DPP6: variants seen among roughly 807,000 people sequenced by gnomAD.
DPP6 encodes the protein dipeptidyl peptidase like 6.
DPP6 carries 69 observed loss-of-function variants against 122.6 expected under a neutral mutation model. That is an observed-to-expected ratio of 0.56 (90% CI 0.46 to 0.69). The LOEUF is 0.69. DPP6 is among the 30% of genes least tolerant of loss of function. The pLI, the probability that DPP6 is intolerant of heterozygous loss-of-function variation, is 0.00. For missense variants in DPP6, 928 were observed against 1,116.9 expected (o/e 0.83, Z 2.41); for synonymous variants, 418 against 433.1 (o/e 0.97, Z 0.43).
chr7:154,510,885 C>G (rs534459935), intron 3 of DPP6, among the ~76,000 whole-genome samples: 1 of 151,632 alleles, frequency 6.6e-6, no homozygotes, highest in Non-Finnish European at 1.5e-5. Context: ...CTCTCACTCT[C>G]GTGCTCTCTC....
At chr7:154,610,595 G>C (rs796670899) in intron 5 of DPP6, among the ~76,000 whole-genome samples, 3 of 152,054 alleles carry the variant, frequency 2.0e-5, no homozygotes, top group African/African-American at 7.2e-5. Context: ...CCAACATTCT[G>C]TCTTTGATAG....
intron 8 of DPP6, among the ~76,000 whole-genome samples, chr7:154,748,981 CT>C (rs1460315410): frequency 3.3e-5 from 5 of 152,092 alleles, no homozygotes; most frequent in African/African-American, 1.2e-4. Context: ...GGGATGGGGG[CT>C]TTACTGAGAG....
chr7:153,946,812 A>G (rs1801969386), intron 1 of DPP6, among the ~76,000 whole-genome samples: 1 of 152,184 alleles, frequency 6.6e-6, no homozygotes, highest in African/African-American at 2.4e-5. Context: ...TTGATGGTAA[A>G]TACGATTTGG....
chr7:153,908,571 CT>C (rs1160821661), intron 1 of DPP6, among the ~76,000 whole-genome samples: 1 of 152,088 alleles, frequency 6.6e-6, no homozygotes, highest in Admixed American at 6.5e-5. Context: ...TTATGTAGCT[CT>C]TTTACTGAAA....
intron 1 of DPP6, among the ~76,000 whole-genome samples, chr7:153,986,362 C>G (rs1019477289): frequency 6.6e-6 from 1 of 151,728 alleles, no homozygotes; most frequent in Non-Finnish European, 1.5e-5. Flanking sequence ...GAACTCCTAC[C>G]GAGACCTGTT....
intron 1 of DPP6, among the ~76,000 whole-genome samples, chr7:154,337,309 C>G (rs537785891): frequency 1.3e-5 from 2 of 152,344 alleles, no homozygotes; most frequent in African/African-American, 4.8e-5. Context: ...ACATGACTTT[C>G]TCAGTCTCCT....
In DPP6 at chr7:154,794,840, C is replaced by T. The variant is rs1027954192; in HGVS notation, c.1260+638C>T. ...CCCCCAGAAGCAGGTCACCTTGTGG[C>T]GGGTTTTGTAGACATCAAATAATAT... On this transcript the variant is annotated intron_variant, in intron 11 of 25. Coordinates refer to ENST00000377770, the MANE Select transcript of DPP6 (RefSeq NM_130797.4). Among the ~76,000 whole-genome samples, 11 of 5,034 alleles carry T rather than the reference C, an allele frequency of 2.2e-3. No homozygotes were observed. In the South Asian group the frequency reaches 0.065, roughly 30 times the overall value. The allele number at this position is 5,034 out of a possible 152,430, so 3.3% of individuals were successfully genotyped here. A position where few individuals can be genotyped will look rare whatever the true frequency, so the allele number is the denominator to read the frequency against.
At chr7:153,926,183 T>C (rs1277965155) in intron 1 of DPP6, among the ~76,000 whole-genome samples, 1 of 152,232 alleles carries the variant, frequency 6.6e-6, no homozygotes, top group Non-Finnish European at 1.5e-5. Flanking sequence ...CCTTATCTCA[T>C]CTGTTACCTG....
chr7:154,641,917 A>G (rs1836124454), intron 6 of DPP6, among the ~76,000 whole-genome samples: 1 of 152,206 alleles, frequency 6.6e-6, no homozygotes, highest in African/African-American at 2.4e-5. Flanking sequence ...AACTTTGCTT[A>G]CCTACTCGTA....
chr7:153,973,663 G>GTA, intron 1 of DPP6, among the ~76,000 whole-genome samples: 1 of 135,728 alleles, frequency 7.4e-6, no homozygotes, highest in Non-Finnish European at 1.6e-5. Flanking sequence ...GTGTGTGTGT[G>GTA]TGTGTGTGTG....
At position 154,885,561 on chromosome 7, in the gene DPP6, CCCTG is replaced by C. The variant is rs1374677704; in HGVS notation, c.2134-69_2134-66del. ...GGAACTGGCTGCTCTGGGGCTGTCT[CCCTG>C]CCCGAGGCTGCTTCATGCTGAGTTA... On this transcript the variant is annotated intron_variant, in intron 21 of 25. Coordinates refer to ENST00000377770, the MANE Select transcript of DPP6 (RefSeq NM_130797.4). 2.6e-6 allele frequency: 4 copies of C among 1,527,462 alleles called. No individual in the cohort carries two copies. The African/African-American group carries it at 5.5e-5, about 21-fold the overall frequency. 94.6% of individuals were successfully genotyped at this position (1,527,462 alleles called of 1,614,324 possible).
the DPP6 span, among the ~76,000 whole-genome samples, chr7:153,865,168 G>A: frequency 6.6e-6 from 1 of 152,050 alleles, no homozygotes; most frequent in Non-Finnish European, 1.5e-5. Flanking sequence ...TATATATACA[G>A]GACCGAAAGA....
chr7:154,568,522 G>A (rs758878710), intron 5 of DPP6, among the ~76,000 whole-genome samples: 3 of 152,188 alleles, frequency 2.0e-5, no homozygotes, highest in Admixed American at 6.5e-5. Flanking sequence ...CCGTGTGATC[G>A]GAAGAGGCGT....
In DPP6 at chr7:154,062,875, A is replaced by G. The variant is rs1412407652; in HGVS notation, c.243+9812A>G. Among the ~76,000 whole-genome samples, 2 of 129,358 alleles carry G rather than the reference A, an allele frequency of 1.5e-5. 1 individual carries two copies. The highest frequency in any genetic ancestry group is 3.4e-5 in the Non-Finnish European group (2 of 59,624). 84.9% of individuals were successfully genotyped at this position (129,358 alleles called of 152,430 possible). Reference sequence around the variant, plus strand: ...GACCCTCTTCCTCCCCCAGCTTAGGACCCCCATCGTTGATCCTAAGATCCT... The same window carrying G: ...GACCCTCTTCCTCCCCCAGCTTAGGGCCCCCATCGTTGATCCTAAGATCCT... On this transcript the variant is annotated intron_variant, in intron 1 of 25. Transcript: ENST00000377770.
chr7:154,670,165 G>T (rs1044309045), intron 7 of DPP6, among the ~76,000 whole-genome samples: 7 of 40,888 alleles, frequency 1.7e-4, no homozygotes, highest in African/African-American at 3.2e-4. Flanking sequence ...CAGCCTCTGC[G>T]GAGGGTTTTT....
At chr7:153,886,532 G>A (rs1211287414), upstream of DPP6, among the ~76,000 whole-genome samples, 1 of 152,178 alleles carries the variant, frequency 6.6e-6, no homozygotes, top group East Asian at 1.9e-4. Flanking sequence ...AAGCCGCCGA[G>A]GGACGCGGCT....
chr7:153,779,456 A>G, the DPP6 span, among the ~76,000 whole-genome samples: 3 of 146,080 alleles, frequency 2.1e-5, no homozygotes, highest in Non-Finnish European at 4.5e-5. Flanking sequence ...AGGAAAGATA[A>G]TAACTTTCCA....
At chr7:154,392,928 G>T (rs1167219059) in intron 1 of DPP6, among the ~76,000 whole-genome samples, 1 of 152,136 alleles carries the variant, frequency 6.6e-6, no homozygotes, top group Non-Finnish European at 1.5e-5. Flanking sequence ...ATCAGCTGTG[G>T]GTCAAGAGCT....
At chr7:154,861,492 A>C (rs1004011891) in intron 17 of DPP6, among the ~76,000 whole-genome samples, 2 of 152,104 alleles carry the variant, frequency 1.3e-5, no homozygotes, top group Admixed American at 6.5e-5. Context: ...TGATATTTAC[A>C]TTCCATTTGT....
Sources: gnomAD v4.1 joint callset for allele counts (sites outside exome capture counted in the v4.1 genomes callset) on GRCh38, gnomAD v4.1.1 for gene constraint, MANE v1.5 for transcripts, NCBI Gene and HGNC (gene_info 2026-07-23, HGNC 2026-07-21) for gene names.